The following PLA2G4E variants were observed in gnomAD, a reference collection of about 807,000 sequenced individuals.
The protein encoded by PLA2G4E is phospholipase A2 group IVE.
A neutral mutation model predicts 109.1 loss-of-function variants in PLA2G4E; 84 were observed. That is an observed-to-expected ratio of 0.77 (90% confidence interval 0.65 to 0.92). PLA2G4E has a LOEUF of 0.92. PLA2G4E is among the 40% of genes least tolerant of loss of function. PLA2G4E has a pLI of 0.00. For synonymous variants in PLA2G4E, 469 were observed against 436.1 expected (o/e 1.08, Z -0.94); for missense variants, 1,057 against 1,076.6 (o/e 0.98, Z 0.25).
Position 42,040,637 on chromosome 15 carries a change from C to T in PLA2G4E, c.183+9884G>A, listed in dbSNP as rs192254500. On this transcript the variant is annotated intron_variant, in intron 1 of 19. Transcript: ENST00000399518. ...AAACTTATGATGAAGGGTTAATTTT[C>T]CCAATAAACTAAAATCTCTTTCACA... Among the ~76,000 whole-genome samples, 390 of 152,246 alleles carry T rather than the reference C, an allele frequency of 2.6e-3. 2 individuals are homozygous for T. The highest frequency in any genetic ancestry group is 9.0e-3 in the African/African-American group (372 of 41,546).
intron 5 of PLA2G4E, among the ~76,000 whole-genome samples, chr15:42,003,661 G>A (rs976839522): frequency 6.6e-6 from 1 of 152,198 alleles, no homozygotes; most frequent in Admixed American, 6.5e-5. Flanking sequence ...CCCTCACATA[G>A]TTTGAAGATC....
At chr15:42,021,190 G>C (rs1338349146) in intron 1 of PLA2G4E, among the ~76,000 whole-genome samples, 148 bp from the exon 1 acceptor site, 1 of 151,752 alleles carries the variant, frequency 6.6e-6, no homozygotes, top group African/African-American at 2.4e-5. Context: ...TCATATCAAA[G>C]AAATCACAGG....
intron 1 of PLA2G4E, among the ~76,000 whole-genome samples, chr15:42,030,900 T>G (rs924807676): frequency 2.8e-4 from 42 of 152,264 alleles, no homozygotes; most frequent in Admixed American, 3.3e-4. Flanking sequence ...TTCATTGCTG[T>G]GTAGCATTCC....
intron 1 of PLA2G4E, among the ~76,000 whole-genome samples, chr15:42,038,923 A>T (rs1889265827): frequency 6.6e-6 from 1 of 152,226 alleles, no homozygotes. Flanking sequence ...CCATTGGGCT[A>T]TACGATGGGG....
intron 3 of PLA2G4E, among the ~76,000 whole-genome samples, chr15:42,007,226 T>G (rs1049441425): frequency 6.6e-6 from 1 of 152,144 alleles, no homozygotes; most frequent in African/African-American, 2.4e-5. Flanking sequence ...CCATGGGAGA[T>G]GTGAACTCAA....
intron 12 of PLA2G4E, 43 bp from the exon 13 acceptor site, chr15:41,993,002 T>C (rs1286702216): frequency 1.3e-6 from 2 of 1,541,984 alleles, no homozygotes; most frequent in South Asian, 2.4e-5. Context: ...ACCCGGCCCC[T>C]GTCTGATGAG....
chr15:42,026,361 T>G (rs2068693064), intron 1 of PLA2G4E, among the ~76,000 whole-genome samples: 1 of 152,194 alleles, frequency 6.6e-6, no homozygotes, highest in South Asian at 2.1e-4. Context: ...AGTGACTTAC[T>G]ATATAGAGTA....
chr15:41,991,700 T>C (rs2068251485), intron 13 of PLA2G4E, among the ~76,000 whole-genome samples: 1 of 152,198 alleles, frequency 6.6e-6, no homozygotes, highest in Non-Finnish European at 1.5e-5. Context: ...GCTCAAACTG[T>C]CTGGCTTTCT....
At chr15:42,032,883 C>T (rs1889138858) in intron 1 of PLA2G4E, among the ~76,000 whole-genome samples, 1 of 152,150 alleles carries the variant, frequency 6.6e-6, no homozygotes, top group South Asian at 2.1e-4. Context: ...ATTTGGGTTA[C>T]GTGAAAACAG....
At chr15:41,997,042 G>C in intron 11 of PLA2G4E, 82 bp downstream of exon 11, 1 of 1,437,008 alleles carries the variant, frequency 7.0e-7, no homozygotes, top group East Asian at 2.6e-5. Context: ...GCCTGGGGTA[G>C]GGCAGGGCCT....
intron 1 of PLA2G4E, among the ~76,000 whole-genome samples, chr15:42,022,960 C>T (rs776970957): frequency 1.6e-4 from 24 of 152,066 alleles, no homozygotes; most frequent in Non-Finnish European, 2.4e-4. Context: ...GGGCTTTAGA[C>T]GAGGAATGGG....
At chr15:42,005,077 C>T (rs1016818502) in intron 4 of PLA2G4E, 99 bp from the exon 5 acceptor site, 18 of 1,392,152 alleles carry the variant, frequency 1.3e-5, no homozygotes, top group Admixed American at 5.8e-5. Flanking sequence ...GACCTGCCTC[C>T]GTCCTTCCCC....
At chr15:42,037,987 G>A (rs1354819993) in intron 1 of PLA2G4E, among the ~76,000 whole-genome samples, 1 of 152,204 alleles carries the variant, frequency 6.6e-6, no homozygotes, top group East Asian at 1.9e-4. Flanking sequence ...AACGAACCCA[G>A]CGGACCCAAG....
At chr15:42,038,017 C>T (rs1214546701) in intron 1 of PLA2G4E, among the ~76,000 whole-genome samples, 1 of 152,184 alleles carries the variant, frequency 6.6e-6, no homozygotes, top group East Asian at 1.9e-4. Context: ...GGCAAAGGTG[C>T]CAATAGCCAC....
intron 1 of PLA2G4E, among the ~76,000 whole-genome samples, chr15:42,047,614 C>T (rs1889437451): frequency 6.6e-6 from 1 of 152,118 alleles, no homozygotes; most frequent in South Asian, 2.1e-4. Context: ...TTGCAGTTCC[C>T]CCAAATCTGC....
intron 5 of PLA2G4E, 109 bp downstream of exon 5, chr15:42,004,829 T>C (rs1595565887): frequency 1.7e-6 from 2 of 1,182,968 alleles, no homozygotes; most frequent in Admixed American, 3.9e-5. Flanking sequence ...GGAGTGAGAC[T>C]GGAAGAGGGT....
At chr15:41,986,901 A>C in intron 17 of PLA2G4E, 1 of 481,792 alleles carries the variant, frequency 2.1e-6, no homozygotes, top group Non-Finnish European at 3.8e-6. Context: ...CATGGGGCCA[A>C]CTTCTACCTG....
chr15:41,999,678 A>G lies in PLA2G4E; in HGVS notation c.937-117T>C, dbSNP rs1234259836. On this transcript the variant is annotated intron_variant, in intron 9 of 19. Coordinates refer to ENST00000399518, the Ensembl canonical transcript of PLA2G4E. Reference sequence around the variant, plus strand: ...ACACACGTGCACACACAGGCGCTCCATCCCTGCCTCTCTCTTCTGGACACA... The same window carrying G: ...ACACACGTGCACACACAGGCGCTCCGTCCCTGCCTCTCTCTTCTGGACACA... The G allele has an allele frequency of 2.3e-6, 3 of 1,299,346 alleles. No individual in the cohort carries two copies. The East Asian group carries it at 7.6e-5, about 33-fold the overall frequency. 80.5% of individuals were successfully genotyped at this position (1,299,346 alleles called of 1,614,324 possible). A position where few individuals can be genotyped will look rare whatever the true frequency, so the allele number is the denominator to read the frequency against.
At chr15:42,028,480 C>T (rs1172496481) in intron 1 of PLA2G4E, among the ~76,000 whole-genome samples, 1 of 151,938 alleles carries the variant, frequency 6.6e-6, no homozygotes, top group Non-Finnish European at 1.5e-5. Flanking sequence ...AATCTCGGCT[C>T]ACTGCAACCT....
Sources: gnomAD v4.1 joint callset for allele counts (sites outside exome capture counted in the v4.1 genomes callset) on GRCh38, gnomAD v4.1.1 for gene constraint, MANE v1.5 for transcripts, NCBI Gene and HGNC (gene_info 2026-07-23, HGNC 2026-07-21) for gene names.